The following NLRC5 variants were observed in gnomAD, a reference collection of about 807,000 sequenced individuals.
NLRC5 encodes the protein NLR family CARD domain containing 5, also known as protein NLRC5.
In NLRC5, 114 loss-of-function variants were observed where a neutral mutation model predicts 206.9. The ratio of observed to expected loss-of-function variants is 0.55; its 90% confidence interval spans 0.47 to 0.64. NLRC5 has a LOEUF of 0.64. Ranked by LOEUF, NLRC5 falls within the 30% of genes least tolerant of loss-of-function variation. The pLI is 0.00. For synonymous variants in NLRC5, 952 were observed against 962.8 expected, an observed-to-expected ratio of 0.99 and a Z score of 0.21; for missense variants, 2,008 against 2,305.5, an observed-to-expected ratio of 0.87 and a Z score of 2.64.
At chr16:57,072,211 C>A (rs1182932928) in intron 38 of NLRC5, among the ~76,000 whole-genome samples, 1 of 152,116 alleles carries the variant, frequency 6.6e-6, no homozygotes, top group East Asian at 1.9e-4. Context: ...TCAGGCAGGC[C>A]ATCCCTGCAC....
intron 1 of NLRC5, chr16:57,003,827 G>A (rs985814609): frequency 2.6e-5 from 4 of 152,104 alleles, no homozygotes; most frequent in African/African-American, 9.7e-5. Context: ...TGCTTCTAGG[G>A]ACCTGACCTA....
At chr16:57,040,591 G>A in intron 16 of NLRC5, 59 bp from the exon 17 acceptor site, 1 of 1,540,390 alleles carries the variant, frequency 6.5e-7, no homozygotes, top group Non-Finnish European at 9.0e-7. Flanking sequence ...GCTGAGGATG[G>A]ATTCTGGAGA....
Position 57,054,736 on chromosome 16 carries a change from C to G in NLRC5, c.3507-15C>G, listed in dbSNP as rs757278433. The G allele has an allele frequency of 3.7e-6, 6 of 1,611,566 alleles. No homozygotes were observed. The highest frequency in any genetic ancestry group is 5.1e-6 in the Non-Finnish European group (6 of 1,177,748). ...GTCCACTCATCTTGCCGGATCTACC[C>G]CCTTTCCTTTTCAGGCTGAGCCAGA... On this transcript the variant is annotated splice_polypyrimidine_tract_variant and intron_variant, in intron 24 of 48. Coordinates refer to ENST00000688547, the MANE Select transcript of NLRC5 (RefSeq NM_001384950.1).
chr16:57,022,344 G>A (rs756930417), intron 4 of NLRC5, 29 bp downstream of exon 4: 10 of 1,594,804 alleles, frequency 6.3e-6, no homozygotes, highest in African/African-American at 2.7e-5. Flanking sequence ...GGGTGGGAAG[G>A]GGGTGGTGAG....
At chr16:57,041,448 G>A (rs1453366987) in intron 17 of NLRC5, 37 bp from the exon 18 acceptor site, 6 of 1,578,106 alleles carry the variant, frequency 3.8e-6, no homozygotes, top group Non-Finnish European at 5.2e-6. Context: ...CCTCTGTTCA[G>A]TGGGGCATGC....
intron 24 of NLRC5, among the ~76,000 whole-genome samples, chr16:57,053,264 A>C (rs575359741): frequency 1.3e-5 from 2 of 152,292 alleles, no homozygotes; most frequent in South Asian, 4.1e-4. Context: ...AGGAAGAGAG[A>C]GAGCTCGCCT....
intron 22 of NLRC5, 111 bp downstream of exon 22, chr16:57,046,752 G>T: frequency 2.3e-6 from 2 of 862,906 alleles, no homozygotes; most frequent in East Asian, 2.6e-5. Context: ...GGGAAGAGAG[G>T]GAGTTTAAGA....
At chr16:57,058,244 G>A in intron 28 of NLRC5, 96 bp downstream of exon 28, 1 of 1,016,750 alleles carries the variant, frequency 9.8e-7, no homozygotes, top group Non-Finnish European at 1.5e-6. Flanking sequence ...ATCCCCCAGA[G>A]CACCAGAGGA....
At chr16:57,006,978 C>T (rs2058985501) in intron 1 of NLRC5, among the ~76,000 whole-genome samples, 1 of 151,382 alleles carries the variant, frequency 6.6e-6, no homozygotes, top group South Asian at 2.1e-4. Context: ...TTCTTATTTA[C>T]TCATCATCTT....
chr16:56,992,224 G>T (rs1410339534), intron 1 of NLRC5: 1 of 152,214 alleles, frequency 6.6e-6, no homozygotes, highest in Admixed American at 6.5e-5. Context: ...AACTGCGAGA[G>T]AAGAAATCTC....
At chr16:57,023,893 G>T in intron 5 of NLRC5, 40 bp downstream of exon 5, 1 of 1,561,996 alleles carries the variant, frequency 6.4e-7, no homozygotes, top group East Asian at 2.3e-5. Flanking sequence ...CAGAGAGATG[G>T]GGTTGCCTGG....
chr16:57,005,192 C>T (rs915847715), intron 1 of NLRC5, among the ~76,000 whole-genome samples: 14 of 152,186 alleles, frequency 9.2e-5, no homozygotes, highest in Admixed American at 2.6e-4. Context: ...TTTGCAGTAG[C>T]TCTTCTTTCT....
At position 57,077,740 on chromosome 16, in the gene NLRC5, C is replaced by G; in HGVS notation, c.4941C>G (p.Ser1647Arg). The change falls in exon 42 of 49, where the codon AGC becomes AGG. Residue 1647 changes from serine to arginine, a missense_variant. Physicochemically the swap from Ser to Arg is moderately radical, Grantham distance 110. Transcript: ENST00000688547. Reference sequence around the variant, plus strand: ...ACAGCCTCTCAGGGAATAGCATCAGCTCAGCCGGGGGAGTGCAGTTGGCAG... The same window carrying G: ...ACAGCCTCTCAGGGAATAGCATCAGGTCAGCCGGGGGAGTGCAGTTGGCAG... ...RKIDLSGNSI[S>R]SAGGVQLAES... 4 of 1,597,926 alleles carry G rather than the reference C, an allele frequency of 2.5e-6. No homozygotes were observed. The highest frequency in any genetic ancestry group is 2.2e-5 in the South Asian group (2 of 88,976).
chr16:57,019,114 G>A (rs545860211), intron 2 of NLRC5, among the ~76,000 whole-genome samples: 11 of 152,118 alleles, frequency 7.2e-5, no homozygotes, highest in Admixed American at 1.3e-4. Flanking sequence ...GTTCCAGTTC[G>A]GCCATCATGA....
chr16:57,015,377 C>T (rs1005098367), intron 1 of NLRC5, among the ~76,000 whole-genome samples: 7 of 152,186 alleles, frequency 4.6e-5, no homozygotes, highest in Admixed American at 4.6e-4. Context: ...GGGACACAAA[C>T]ATTCAGTCCA....
intron 1 of NLRC5, chr16:57,003,812 G>A (rs1224595592): frequency 3.3e-5 from 5 of 152,162 alleles, no homozygotes; most frequent in African/African-American, 1.2e-4. Flanking sequence ...AACCCCCTTG[G>A]GCTCTGCTTC....
At chr16:57,031,593 C>A in intron 11 of NLRC5, 130 bp downstream of exon 11, 1 of 824,580 alleles carries the variant, frequency 1.2e-6, no homozygotes, top group Non-Finnish European at 2.0e-6. Context: ...TACTGCTGCA[C>A]TGAGGAATGA....
chr16:57,013,125 T>C lies in NLRC5; in HGVS notation c.-127-3949T>C, dbSNP rs1229379089. 4 of 324,932 alleles carry C rather than the reference T, an allele frequency of 1.2e-5. No individual in the cohort carries two copies. In the East Asian group the frequency reaches 3.5e-4, roughly 28 times the overall value. The allele number at this position is 324,932 out of a possible 1,614,324, so 20.1% of individuals were successfully genotyped here. On this transcript the variant is annotated intron_variant, in intron 1 of 48. Coordinates refer to ENST00000688547, the MANE Select transcript of NLRC5 (RefSeq NM_001384950.1). Reference sequence around the variant, plus strand: ...AGATCACAATTATAGTGAATAGTAATTTATTCAACTCAAAATCTTCATAGG... The same window carrying C: ...AGATCACAATTATAGTGAATAGTAACTTATTCAACTCAAAATCTTCATAGG...
intron 21 of NLRC5, among the ~76,000 whole-genome samples, chr16:57,046,296 C>T (rs2063964361): frequency 6.6e-6 from 1 of 152,218 alleles, no homozygotes; most frequent in South Asian, 2.1e-4. Context: ...CAGGAACAAG[C>T]TGCTGGCTTT....
Sources: gnomAD v4.1 joint callset for allele counts (sites outside exome capture counted in the v4.1 genomes callset) on GRCh38, gnomAD v4.1.1 for gene constraint, MANE v1.5 for transcripts, NCBI Gene and HGNC (gene_info 2026-07-23, HGNC 2026-07-21) for gene names.